Variants in IQGAP2 observed in about 807,000 individuals in gnomAD.
IQGAP2 encodes the protein ras GTPase-activating-like protein IQGAP2.
Under a neutral mutation model 201.3 loss-of-function variants are expected in IQGAP2, and 173 were observed. That is an observed-to-expected ratio of 0.86 (90% CI 0.76 to 0.98). The LOEUF is 0.98. IQGAP2 is among the 50% of genes least tolerant of loss of function. IQGAP2 has a pLI of 0.00. For synonymous variants in IQGAP2, 675 were observed against 673.9 expected, an observed-to-expected ratio of 1.00 and a Z score of -0.03; for missense variants, 1,687 against 1,864.8, an observed-to-expected ratio of 0.90 and a Z score of 1.76.
chr5:76,498,040 T>C (rs1757082623), intron 2 of IQGAP2, among the ~76,000 whole-genome samples: 1 of 152,208 alleles, frequency 6.6e-6, no homozygotes, highest in Admixed American at 6.5e-5. Context: ...TGTTAAGTTA[T>C]GGGCTTCTTA....
chr5:76,568,919 G>GACTT (rs1270956152), intron 3 of IQGAP2, among the ~76,000 whole-genome samples: 4 of 152,210 alleles, frequency 2.6e-5, no homozygotes, highest in African/African-American at 7.2e-5. Context: ...TCTTGGTTCA[G>GACTT]ACTTGATTGT....
At chr5:76,411,082 C>T (rs1239024307) in intron 1 of IQGAP2, among the ~76,000 whole-genome samples, 2 of 152,172 alleles carry the variant, frequency 1.3e-5, no homozygotes, top group African/African-American at 4.8e-5. Flanking sequence ...GATGCCCAGG[C>T]CCCACTCAGA....
intron 1 of IQGAP2, among the ~76,000 whole-genome samples, chr5:76,452,045 A>G (rs2150115946): frequency 6.6e-6 from 1 of 152,264 alleles, no homozygotes; most frequent in South Asian, 2.1e-4. Flanking sequence ...AAAAAAAGAA[A>G]AAAATTTAAT....
At chr5:76,464,721 C>A (rs1754677454) in intron 2 of IQGAP2, among the ~76,000 whole-genome samples, 1 of 151,876 alleles carries the variant, frequency 6.6e-6, no homozygotes, top group Admixed American at 6.6e-5. Flanking sequence ...TTGAAAAGTT[C>A]TTTATTCAGA....
intron 2 of IQGAP2, among the ~76,000 whole-genome samples, chr5:76,471,440 T>G (rs1056168362): frequency 1.6e-4 from 24 of 151,732 alleles, no homozygotes; most frequent in Non-Finnish European, 2.9e-4. Context: ...AAAGGTCTCT[T>G]TAGGTAAGCC....
At chr5:76,666,183 ACATCTTCACACAAGTGG>A (rs2150469002) in intron 22 of IQGAP2, among the ~76,000 whole-genome samples, 1 of 152,358 alleles carries the variant, frequency 6.6e-6, no homozygotes, top group Non-Finnish European at 1.5e-5. Context: ...AAACATACGA[ACATCTTCACACAAGTGG>A]CCACCACATG....
chr5:76,609,428 A>T (rs1180343574), intron 12 of IQGAP2, among the ~76,000 whole-genome samples: 1 of 152,176 alleles, frequency 6.6e-6, no homozygotes, highest in African/African-American at 2.4e-5. Flanking sequence ...TTCTTCAAAC[A>T]TATTTAAGTA....
At chr5:76,687,006 A>G (rs557140757) in intron 30 of IQGAP2, among the ~76,000 whole-genome samples, 1 of 152,308 alleles carries the variant, frequency 6.6e-6, no homozygotes, top group South Asian at 2.1e-4. Flanking sequence ...CACCATATTG[A>G]TCACTGTAGC....
rs1554063490 is a variant in IQGAP2, at chr5:76,511,690, T to TG, written c.146+50021_146+50022insG. Among the ~76,000 whole-genome samples, 163 of 148,024 alleles carry TG rather than the reference T, an allele frequency of 1.1e-3. 1 individual carries two copies. The highest frequency in any genetic ancestry group is 1.7e-3 in the African/African-American group (66 of 38,818). ...TTTTTTGTTTTGTTTTGTTTTGTTT[T>TG]TTTTTTTTGAGACGGAGTCTCGCTC... is the stretch of plus-strand genomic sequence containing the variant. On this transcript the variant is annotated intron_variant, in intron 2 of 35. Coordinates refer to ENST00000274364, the MANE Select transcript of IQGAP2 (RefSeq NM_006633.5).
At chr5:76,590,732 A>G in intron 8 of IQGAP2, 146 bp downstream of exon 8, 2 of 659,236 alleles carry the variant, frequency 3.0e-6, no homozygotes, top group South Asian at 2.1e-5. Flanking sequence ...GAAATGTAGC[A>G]TACAAGAGGA....
chr5:76,609,839 ATATG>A (rs907729962), intron 12 of IQGAP2, among the ~76,000 whole-genome samples: 52 of 126,988 alleles, frequency 4.1e-4, no homozygotes, highest in African/African-American at 1.6e-3. Flanking sequence ...TTTTATATAT[ATATG>A]TGTGTGTGTG....
intron 5 of IQGAP2, among the ~76,000 whole-genome samples, chr5:76,587,949 CAAAAAAAAA>C (rs768707380): frequency 1.1e-5 from 1 of 90,448 alleles, no homozygotes; most frequent in East Asian, 3.1e-4. Flanking sequence ...CTGTCTCAAC[CAAAAAAAAA>C]AAAAAAAAAT....
intron 5 of IQGAP2, among the ~76,000 whole-genome samples, chr5:76,581,475 C>G (rs1420971400): frequency 6.6e-6 from 1 of 152,174 alleles, no homozygotes; most frequent in Non-Finnish European, 1.5e-5. Flanking sequence ...TTATTTCTTT[C>G]AAGTCCTTCC....
rs991715052 is a variant in IQGAP2, at chr5:76,427,482, C to T, written c.46+23891C>T. 8.5e-5 allele frequency among the ~76,000 whole-genome samples: 13 copies of T among 152,312 alleles called. No individual in the cohort carries two copies. The South Asian group carries it at 2.7e-3, about 32-fold the overall frequency. On this transcript the variant is annotated intron_variant, in intron 1 of 35. Transcript: ENST00000274364. ...AGAGTGCATGAATAATGAGGTCTTT[C>T]TGCCGGGAATAGGATTATGCTTGTT... is the stretch of plus-strand genomic sequence containing the variant.
intron 2 of IQGAP2, among the ~76,000 whole-genome samples, chr5:76,496,742 TTTCTTTCTTTCTTTCTTTCTTTCTTTC>T (rs1756957693): frequency 4.7e-5 from 2 of 42,386 alleles, no homozygotes; most frequent in African/African-American, 2.1e-4. Flanking sequence ...TCTTTCTTTC[TTTCTTTCTTTCTTTCTTTCTTTCTTTC>T]TTTCTTTCTT....
chr5:76,686,927 G>C (rs972558971), intron 30 of IQGAP2, among the ~76,000 whole-genome samples: 1 of 152,160 alleles, frequency 6.6e-6, no homozygotes, highest in South Asian at 2.1e-4. Flanking sequence ...GACAATACAT[G>C]TATGGCTTTA....
At chr5:76,689,245 A>AC (rs1561596012) in intron 30 of IQGAP2, among the ~76,000 whole-genome samples, 1 of 149,602 alleles carries the variant, frequency 6.7e-6, no homozygotes, top group African/African-American at 2.4e-5. Flanking sequence ...AAAAAAAAAA[A>AC]AAAAAAAAAA....
Position 76,446,279 on chromosome 5 carries a change from G to A in IQGAP2, c.47-15291G>A, listed in dbSNP as rs1445885697. On this transcript the variant is annotated intron_variant, in intron 1 of 35. Coordinates refer to ENST00000274364, the MANE Select transcript of IQGAP2 (RefSeq NM_006633.5). Reference sequence around the variant, plus strand: ...AATTGCTGTACTGCTTTCCACAGGAGTGGCACCAGTTTATATCCCTACCAG... The same window carrying A: ...AATTGCTGTACTGCTTTCCACAGGAATGGCACCAGTTTATATCCCTACCAG... Among the ~76,000 whole-genome samples, 8 of 152,156 alleles carry A rather than the reference G, an allele frequency of 5.3e-5. No homozygotes were observed. In the East Asian group the frequency reaches 1.2e-3, roughly 22 times the overall value.
chr5:76,628,145 C>G (rs1182275119), intron 14 of IQGAP2, among the ~76,000 whole-genome samples: 1 of 152,210 alleles, frequency 6.6e-6, no homozygotes, highest in Admixed American at 6.5e-5. Context: ...TACTGTTAGT[C>G]TTTCTTCCAC....
Sources: allele counts gnomAD v4.1 joint callset (sites outside exome capture counted in the v4.1 genomes callset), GRCh38; gene constraint gnomAD v4.1.1; transcripts MANE v1.5; gene names NCBI Gene and HGNC (gene_info 2026-07-23, HGNC 2026-07-21).